Variants in XRCC1 observed in about 807,000 individuals in gnomAD.
The protein encoded by XRCC1 is DNA repair protein XRCC1.
Under a neutral mutation model 83.3 loss-of-function variants are expected in XRCC1, and 52 were observed. That is an observed-to-expected ratio of 0.62 (90% CI 0.50 to 0.79). The LOEUF is 0.79. Among genes scored for constraint, XRCC1 ranks in the 30% least tolerant of loss-of-function variants. The pLI is 0.00. For synonymous variants in XRCC1, 281 were observed against 312.6 expected, an observed-to-expected ratio of 0.90 and a Z score of 1.07; for missense variants, 793 against 823.5, an observed-to-expected ratio of 0.96 and a Z score of 0.45.
chr19:43,556,538 T>C (rs866012989), intron 3 of XRCC1, among the ~76,000 whole-genome samples: 3 of 152,190 alleles, frequency 2.0e-5, no homozygotes, highest in Non-Finnish European at 2.9e-5. Flanking sequence ...GCGCGGTGGC[T>C]CACGCCTGTA....
intron 3 of XRCC1, among the ~76,000 whole-genome samples, chr19:43,555,820 C>T (rs761172937): frequency 1.8e-4 from 28 of 152,174 alleles, no homozygotes; most frequent in Non-Finnish European, 3.7e-4. Context: ...CCCTGACTGA[C>T]CCGGCAGCAC....
intron 10 of XRCC1, among the ~76,000 whole-genome samples, chr19:43,549,624 A>G (rs996981164): frequency 6.6e-6 from 1 of 152,034 alleles, no homozygotes; most frequent in Non-Finnish European, 1.5e-5. Flanking sequence ...CGGTGCAATC[A>G]TGGCTCATTG....
At chr19:43,553,858 G>A (rs570863826) in intron 4 of XRCC1, 175 bp from the exon 5 acceptor site, 16 of 548,366 alleles carry the variant, frequency 2.9e-5, no homozygotes, top group African/African-American at 2.6e-4. Context: ...TGTTATGACT[G>A]AGCCCTAACT....
In XRCC1 at chr19:43,548,948, C is replaced by A. The variant is rs77177888; in HGVS notation, c.1200-1971G>T. ...AGATTATTTAATCTGCCCTAAGCCA[C>A]AGGGAAGGTATGCAGACACAAATGA... is the stretch of plus-strand genomic sequence containing the variant. On this transcript the variant is annotated intron_variant, in intron 10 of 16. Coordinates refer to ENST00000262887, the MANE Select transcript of XRCC1 (RefSeq NM_006297.3). 8.0e-3 allele frequency among the ~76,000 whole-genome samples: 1,223 copies of A among 152,102 alleles called. 12 individuals carry two copies. The highest frequency in any genetic ancestry group is 0.026 in the African/African-American group (1,085 of 41,490).
Position 43,546,668 on chromosome 19 carries a change from G to A in XRCC1, c.1353C>T (p.Pro451=), listed in dbSNP as rs752525746. 1.9e-6 allele frequency: 3 copies of A among 1,610,848 alleles called. No individual in the cohort carries two copies. The highest frequency in any genetic ancestry group is 1.7e-6 in the Non-Finnish European group (2 of 1,179,160). ...QAAGPSSPQK[P]PTPEETKAAS... The stretch of plus-strand genomic sequence containing the variant: ...CTGCTTTGGTCTCTTCAGGGGTTGG[G>A]GGCTTCTGGGGTGAGCTGGGTCCAG... The change falls in exon 12 of 17, where the codon CCC becomes CCT. Residue 451 remains proline (P), a synonymous_variant. Coordinates refer to ENST00000262887, the MANE Select transcript of XRCC1 (RefSeq NM_006297.3).
At position 43,553,382 on chromosome 19, in the gene XRCC1, C is replaced by A. The variant is rs374344345; in HGVS notation, c.601+19G>T. 6 of 1,613,150 alleles carry A rather than the reference C, an allele frequency of 3.7e-6. No homozygotes were observed. The highest frequency in any genetic ancestry group is 5.1e-6 in the Non-Finnish European group (6 of 1,179,388). Reference sequence around the variant, plus strand: ...GGTCTCAACCCTACTCACTCAGGACCCACGTTGTCCGAGCTCACCTGGGGA... The same window carrying A: ...GGTCTCAACCCTACTCACTCAGGACACACGTTGTCCGAGCTCACCTGGGGA... On this transcript the variant is annotated intron_variant, in intron 6 of 16. Transcript: ENST00000262887.
At position 43,544,212 on chromosome 19, in the gene XRCC1, G is replaced by C; in HGVS notation, c.1644C>G (p.Phe548Leu). The change falls in exon 15 of 17, where the codon TTC becomes TTG. Residue 548 changes from phenylalanine (F) to leucine (L), a missense_variant. Coordinates refer to ENST00000262887, the MANE Select transcript of XRCC1 (RefSeq NM_006297.3). Reference sequence around the variant, plus strand: ...CCCCAGGGAACTCCCCGTAAAGAAAGAAGTGCTTGCCCTGGAAGAAATCTG... The same window carrying C: ...CCCCAGGGAACTCCCCGTAAAGAAACAAGTGCTTGCCCTGGAAGAAATCTG... ...ELPDFFQGKHFFLYGEFPGDE... is the reference protein window; with the variant it reads ...ELPDFFQGKHLFLYGEFPGDE... 6.2e-7 allele frequency: 1 copy of C among 1,610,612 alleles called. No homozygotes were observed. The highest frequency in any genetic ancestry group is 8.5e-7 in the Non-Finnish European group (1 of 1,178,446).
At chr19:43,548,766 CAAAA>C (rs60740505) in intron 10 of XRCC1, among the ~76,000 whole-genome samples, 3 of 64,594 alleles carry the variant, frequency 4.6e-5, no homozygotes, top group South Asian at 1.1e-3. Context: ...CAAGAATGAT[CAAAA>C]AAAAAAAAAA....
intron 2 of XRCC1, among the ~76,000 whole-genome samples, chr19:43,574,210 G>T (rs1443087761): frequency 6.6e-6 from 1 of 151,872 alleles, no homozygotes; most frequent in African/African-American, 2.4e-5. Context: ...CCAGTAGCTG[G>T]GATTGCAGGT....
At chr19:43,552,683 G>C in intron 8 of XRCC1, 114 bp downstream of exon 8, 3 of 1,045,314 alleles carry the variant, frequency 2.9e-6, no homozygotes, top group Non-Finnish European at 4.1e-6. Context: ...AGACCCAGGG[G>C]TCCAGGCCCC....
rs1319345924 is a variant in XRCC1 at position 43,562,627 on chromosome 19, C to T, written c.145-1607G>A. On this transcript the variant is annotated intron_variant, in intron 2 of 16. Transcript: ENST00000262887. ...GGCATGGTGGCACATACCTGTGGTCCCAGCTACTCAGGAGGCTGAGGAAGG... is the reference window on the plus strand; with the variant it reads ...GGCATGGTGGCACATACCTGTGGTCTCAGCTACTCAGGAGGCTGAGGAAGG... 2.0e-5 allele frequency among the ~76,000 whole-genome samples: 3 copies of T among 152,174 alleles called. No individual in the cohort carries two copies. The East Asian group carries it at 5.8e-4, about 29-fold the overall frequency.
intron 2 of XRCC1, among the ~76,000 whole-genome samples, chr19:43,571,765 G>T (rs897242223): frequency 6.6e-6 from 1 of 152,184 alleles, no homozygotes; most frequent in African/African-American, 2.4e-5. Context: ...GGGATTATAG[G>T]CGTGAGCTTA....
At chr19:43,572,226 T>C (rs768759572) in intron 2 of XRCC1, among the ~76,000 whole-genome samples, 6 of 152,164 alleles carry the variant, frequency 3.9e-5, no homozygotes, top group Non-Finnish European at 7.3e-5. Flanking sequence ...CTGGAGTCAC[T>C]TGATCATAAG....
intron 10 of XRCC1, 27 bp downstream of exon 10, chr19:43,551,544 G>A (rs747145064): frequency 6.9e-6 from 11 of 1,583,830 alleles, no homozygotes; most frequent in Non-Finnish European, 9.5e-6. Context: ...ACAGGATAAG[G>A]AGCAGGGTTG....
chr19:43,562,285 C>A (rs538720741), intron 2 of XRCC1, among the ~76,000 whole-genome samples: 12 of 152,228 alleles, frequency 7.9e-5, no homozygotes, highest in Non-Finnish European at 1.2e-4. Context: ...CTGCTATCAA[C>A]AGGAACACCA....
chr19:43,572,903 A>C (rs144309346), intron 2 of XRCC1, among the ~76,000 whole-genome samples: 6 of 150,572 alleles, frequency 4.0e-5, no homozygotes, highest in African/African-American at 1.2e-4. Flanking sequence ...TGTGTAACAA[A>C]TCATCCTAAA....
At chr19:43,562,320 C>T (rs1972707871) in intron 2 of XRCC1, among the ~76,000 whole-genome samples, 2 of 152,112 alleles carry the variant, frequency 1.3e-5, no homozygotes, top group Admixed American at 6.6e-5. Context: ...GGAGCCTGGA[C>T]TTGGGGTGAG....
At position 43,552,193 on chromosome 19, in the gene XRCC1, T is replaced by G; in HGVS notation, c.906A>C (p.Glu302Asp). ...QGAVTGKPRG[E>D]GTEPRRPRAG... ...CTCGGGGTCGTCTGGGCTCGGTGCC[T>G]TCTCCTCGGGGTTTGCCTGTCACTG... The change falls in exon 9 of 17, where the codon GAA (glutamate) becomes GAC (aspartate). Residue 302 changes from glutamate (E) to aspartate (D), a missense_variant. By Grantham distance (45) the Glu-to-Asp change is conservative. Transcript: ENST00000262887. 1 of 1,614,002 alleles carries G rather than the reference T, an allele frequency of 6.2e-7. No homozygotes were observed. The highest frequency in any genetic ancestry group is 1.1e-5 in the South Asian group (1 of 91,084).
rs758639925 is a variant in XRCC1 at position 43,554,751 on chromosome 19, T to A, written c.309A>T (p.Ser103=). Residue 103 remains serine (S), a synonymous_variant, in exon 4 of 17, where the codon TCA becomes TCT. Transcript: ENST00000262887. Reference sequence around the variant, plus strand: ...CAAACATGCGAACGCGGTTGGGGTTTGAGCCACTGCGGCTCTCGGAAGGGG... The same window carrying A: ...CAAACATGCGAACGCGGTTGGGGTTAGAGCCACTGCGGCTCTCGGAAGGGG... ...FMSPSESRSG[S]NPNRVRMFGP... 6.2e-7 allele frequency: 1 copy of A among 1,613,872 alleles called. No individual in the cohort carries two copies. Among genetic ancestry groups the A allele is most frequent in the African/African-American group, 1.3e-5 (1 of 74,928 alleles).
Sources: gnomAD v4.1 joint callset for allele counts (sites outside exome capture counted in the v4.1 genomes callset) on GRCh38, gnomAD v4.1.1 for gene constraint, MANE v1.5 for transcripts, NCBI Gene and HGNC (gene_info 2026-07-23, HGNC 2026-07-21) for gene names.